Variants in RASGRF2 observed in about 807,000 individuals in gnomAD.
RASGRF2 encodes the protein ras-specific guanine nucleotide-releasing factor 2.
A neutral mutation model predicts 151.0 loss-of-function variants in RASGRF2; 76 were observed. That is an observed-to-expected ratio of 0.50 (90% CI 0.42 to 0.61). RASGRF2 has a LOEUF of 0.61. Ranked by LOEUF, RASGRF2 falls within the 20% of genes least tolerant of loss-of-function variation. RASGRF2 has a pLI of 0.00. For missense variants in RASGRF2, 1,148 were observed against 1,564.6 expected (o/e 0.73, Z 4.49); for synonymous variants, 504 against 566.5 (o/e 0.89, Z 1.57).
chr5:80,990,520 G>A (rs1374731483), intron 1 of RASGRF2, among the ~76,000 whole-genome samples: 2 of 152,136 alleles, frequency 1.3e-5, no homozygotes, highest in Non-Finnish European at 2.9e-5. Flanking sequence ...CCTATCTGCC[G>A]GGGGCATTTT....
chr5:81,083,994 TG>T lies in RASGRF2; in HGVS notation c.1162-1806del, dbSNP rs555795571. Reference sequence around the variant, plus strand: ...CTCTTGAAGATACAGATGAGCCCTTTGGAGAGCTGACCACTTCTCTGCAGAA... The same window carrying T: ...CTCTTGAAGATACAGATGAGCCCTTTGAGAGCTGACCACTTCTCTGCAGAA... On this transcript the variant is annotated intron_variant, in intron 7 of 26. Coordinates refer to ENST00000265080, the MANE Select transcript of RASGRF2 (RefSeq NM_006909.3). Among the ~76,000 whole-genome samples the T allele has an allele frequency of 2.6e-5, 4 of 152,212 alleles. No homozygotes were observed. The South Asian group carries it at 8.3e-4, about 32-fold the overall frequency.
At position 81,219,864 on chromosome 5, in the gene RASGRF2, A is replaced by G. The variant is rs954381280; in HGVS notation, c.3621+86A>G. Reference sequence around the variant, plus strand: ...AAACAACAGTAAAAGTTGATCCAAAATACCAAAAGCTAGCTCATAGAAAAG... The same window carrying G: ...AAACAACAGTAAAAGTTGATCCAAAGTACCAAAAGCTAGCTCATAGAAAAG... On this transcript the variant is annotated intron_variant, in intron 26 of 26. Coordinates refer to ENST00000265080, the MANE Select transcript of RASGRF2 (RefSeq NM_006909.3). The G allele has an allele frequency of 4.5e-6, 5 of 1,104,376 alleles. No individual in the cohort carries two copies. The African/African-American group carries it at 8.0e-5, about 18-fold the overall frequency. The allele number at this position is 1,104,376 out of a possible 1,614,324, so 68.4% of individuals were successfully genotyped here. A position where few individuals can be genotyped will look rare whatever the true frequency, so the allele number is the denominator to read the frequency against.
intron 17 of RASGRF2, among the ~76,000 whole-genome samples, chr5:81,140,956 T>C (rs894970484): frequency 6.6e-6 from 1 of 151,294 alleles, no homozygotes; most frequent in African/African-American, 2.4e-5. Flanking sequence ...CATGAGGGGC[T>C]GCAGGACTAG....
At chr5:81,118,763 C>G (rs1753227280) in intron 15 of RASGRF2, among the ~76,000 whole-genome samples, 1 of 152,174 alleles carries the variant, frequency 6.6e-6, no homozygotes, top group Non-Finnish European at 1.5e-5. Context: ...TTAAAAGTAG[C>G]CATGCAGCTT....
intron 24 of RASGRF2, among the ~76,000 whole-genome samples, chr5:81,216,537 TAGC>T (rs1266328115): frequency 1.8e-4 from 27 of 152,042 alleles, no homozygotes; most frequent in African/African-American, 5.8e-4. Context: ...ATAGCAATAA[TAGC>T]AACAACAGCA....
intron 7 of RASGRF2, among the ~76,000 whole-genome samples, chr5:81,083,589 C>G (rs1370345558): frequency 2.0e-5 from 3 of 152,156 alleles, no homozygotes; most frequent in South Asian, 2.1e-4. Context: ...ACTATCAGAA[C>G]AGTAAGTCCA....
chr5:81,061,300 A>G (rs1751424217), intron 2 of RASGRF2, among the ~76,000 whole-genome samples: 1 of 151,860 alleles, frequency 6.6e-6, no homozygotes, highest in Non-Finnish European at 1.5e-5. Context: ...TTCTTGAGTG[A>G]TATTATTAGA....
At chr5:81,137,731 A>G (rs1753786701) in intron 17 of RASGRF2, among the ~76,000 whole-genome samples, 1 of 152,238 alleles carries the variant, frequency 6.6e-6, no homozygotes, top group South Asian at 2.1e-4. Context: ...AGAAGAAACA[A>G]CGCGCTGACT....
chr5:81,110,336 A>G (rs1580324028), intron 13 of RASGRF2, among the ~76,000 whole-genome samples: 1 of 152,310 alleles, frequency 6.6e-6, no homozygotes, highest in African/African-American at 2.4e-5. Flanking sequence ...GTAATGTATT[A>G]TATTTTTCTT....
At chr5:81,152,653 T>C in intron 17 of RASGRF2, among the ~76,000 whole-genome samples, 1 of 152,220 alleles carries the variant, frequency 6.6e-6, no homozygotes, top group Non-Finnish European at 1.5e-5. Flanking sequence ...GCAAATTTCC[T>C]TCCCCAAAAC....
intron 9 of RASGRF2, among the ~76,000 whole-genome samples, chr5:81,091,099 C>T (rs534840836): frequency 6.6e-6 from 1 of 152,300 alleles, no homozygotes; most frequent in South Asian, 2.1e-4. Context: ...TCCCTTCTCA[C>T]TTAGGCATGA....
At chr5:81,129,687 A>C (rs905221285) in intron 17 of RASGRF2, among the ~76,000 whole-genome samples, 2 of 152,172 alleles carry the variant, frequency 1.3e-5, no homozygotes, top group Non-Finnish European at 2.9e-5. Flanking sequence ...TGTAACAGTC[A>C]ACATTTTGGG....
intron 2 of RASGRF2, among the ~76,000 whole-genome samples, chr5:81,048,971 C>G (rs1165176760): frequency 6.6e-6 from 1 of 152,068 alleles, no homozygotes; most frequent in Non-Finnish European, 1.5e-5. Context: ...TTCGGTTGCT[C>G]TCCTAGGCAC....
chr5:81,032,861 C>T (rs1046024472), intron 1 of RASGRF2, among the ~76,000 whole-genome samples: 6 of 152,276 alleles, frequency 3.9e-5, no homozygotes, highest in African/African-American at 7.2e-5. Flanking sequence ...CAAATTGTCC[C>T]TGTTTGCAGA....
intron 1 of RASGRF2, among the ~76,000 whole-genome samples, chr5:81,032,956 A>G (rs986229174): frequency 2.6e-5 from 4 of 152,252 alleles, no homozygotes; most frequent in Non-Finnish European, 4.4e-5. Context: ...AAGTCTCAGG[A>G]TACAAAATCA....
intron 17 of RASGRF2, among the ~76,000 whole-genome samples, chr5:81,176,867 C>T (rs1754786093): frequency 1.3e-5 from 2 of 152,162 alleles, no homozygotes; most frequent in Non-Finnish European, 2.9e-5. Context: ...CCCTCTCCCA[C>T]AACCCCACTG....
chr5:81,050,032 G>A (rs1274078561), intron 2 of RASGRF2, among the ~76,000 whole-genome samples: 1 of 152,108 alleles, frequency 6.6e-6, no homozygotes, highest in East Asian at 1.9e-4. Context: ...ATACTCTCCT[G>A]TACACTCAGT....
At chr5:81,017,534 T>C (rs1007360596) in intron 1 of RASGRF2, among the ~76,000 whole-genome samples, 3 of 152,188 alleles carry the variant, frequency 2.0e-5, no homozygotes, top group African/African-American at 7.2e-5. Context: ...GTGCTAAGAA[T>C]TCAGCCTCTT....
At chr5:80,994,326 A>G (rs549486696) in intron 1 of RASGRF2, among the ~76,000 whole-genome samples, 28 of 146,306 alleles carry the variant, frequency 1.9e-4, no homozygotes, top group South Asian at 1.7e-3. Flanking sequence ...AGATTGCACC[A>G]CTGCACTCCA....
Sources: gnomAD v4.1 joint callset for allele counts (sites outside exome capture counted in the v4.1 genomes callset) on GRCh38, gnomAD v4.1.1 for gene constraint, MANE v1.5 for transcripts, NCBI Gene and HGNC (gene_info 2026-07-23, HGNC 2026-07-21) for gene names.